Variants in PROS1 observed in about 807,000 individuals in gnomAD.
PROS1 encodes the protein protein S.
Under a neutral mutation model 75.9 loss-of-function variants are expected in PROS1, and 29 were observed. The ratio of observed to expected loss-of-function variants is 0.38; its 90% CI spans 0.28 to 0.52. PROS1 has a LOEUF of 0.52. PROS1 is among the 20% of genes least tolerant of loss of function. The probability of loss-of-function intolerance (pLI) is 0.83; values close to 1 mark genes in which losing one functional copy is unlikely to be tolerated. For missense variants in PROS1, 680 were observed against 810.3 expected (o/e 0.84, Z 1.95); for synonymous variants, 245 against 280.6 (o/e 0.87, Z 1.27).
chr3:93,973,575 A>G, intron 1 of PROS1, 99 bp downstream of exon 1: 10 of 1,299,052 alleles, frequency 7.7e-6, no homozygotes, highest in Non-Finnish European at 1.1e-5. Context: ...GAAACTTTCT[A>G]GGAGGCTGCA....
intron 9 of PROS1, among the ~76,000 whole-genome samples, chr3:93,893,520 GT>G (rs903517142): frequency 2.6e-5 from 4 of 151,834 alleles, no homozygotes; most frequent in African/African-American, 7.3e-5. Context: ...AGAAGTGGTA[GT>G]TTTTTTTGTT....
At chr3:93,924,663 CTTT>C (rs368011620) in intron 2 of PROS1, among the ~76,000 whole-genome samples, 4 of 136,630 alleles carry the variant, frequency 2.9e-5, no homozygotes, top group Non-Finnish European at 4.8e-5. Flanking sequence ...AACGTACTCT[CTTT>C]TTTTTTTTTT....
chr3:93,972,513 G>A (rs1314880435), intron 1 of PROS1, among the ~76,000 whole-genome samples: 1 of 152,052 alleles, frequency 6.6e-6, no homozygotes, highest in African/African-American at 2.4e-5. Context: ...TCTCACTCCT[G>A]TTCCAATCCC....
At chr3:93,880,318 G>A (rs540291994) in intron 12 of PROS1, among the ~76,000 whole-genome samples, 5 of 152,072 alleles carry the variant, frequency 3.3e-5, no homozygotes, top group African/African-American at 1.2e-4. Context: ...GGGCAACATG[G>A]TGAAACATCT....
At chr3:93,968,495 T>G (rs1709822576) in intron 1 of PROS1, among the ~76,000 whole-genome samples, 2 of 152,194 alleles carry the variant, frequency 1.3e-5, no homozygotes, top group Admixed American at 1.3e-4. Flanking sequence ...AACTTTCTGT[T>G]GTTTAAACCA....
At chr3:93,972,641 C>G (rs1397440978) in intron 1 of PROS1, among the ~76,000 whole-genome samples, 2 of 151,402 alleles carry the variant, frequency 1.3e-5, no homozygotes, top group African/African-American at 2.4e-5. Flanking sequence ...GAGCTCGAGA[C>G]CAGCCTGGCC....
At chr3:93,946,734 C>T (rs1709407483) in intron 1 of PROS1, among the ~76,000 whole-genome samples, 1 of 151,738 alleles carries the variant, frequency 6.6e-6, no homozygotes, top group East Asian at 1.9e-4. Flanking sequence ...ACCATTCAGG[C>T]CACAGGCATG....
chr3:93,956,124 T>A (rs546286789), intron 1 of PROS1, among the ~76,000 whole-genome samples: 1 of 152,124 alleles, frequency 6.6e-6, no homozygotes, highest in African/African-American at 2.4e-5. Context: ...TTTTAATAAT[T>A]TTCATAATGC....
chr3:93,909,860 T>A (rs1217328216), intron 4 of PROS1, among the ~76,000 whole-genome samples: 1 of 152,126 alleles, frequency 6.6e-6, no homozygotes, highest in Non-Finnish European at 1.5e-5. Flanking sequence ...TTTAAAATCA[T>A]AGAAAATAAT....
chr3:93,944,579 C>T (rs1419629299), intron 1 of PROS1, among the ~76,000 whole-genome samples: 1 of 152,154 alleles, frequency 6.6e-6, no homozygotes, highest in Non-Finnish European at 1.5e-5. Context: ...GAAATGAAGG[C>T]AGAAATAAAG....
chr3:93,941,460 G>A (rs1368165852), intron 1 of PROS1, among the ~76,000 whole-genome samples: 1 of 152,136 alleles, frequency 6.6e-6, no homozygotes, highest in Non-Finnish European at 1.5e-5. Context: ...GGCATGATTG[G>A]ATACTTTCAC....
At chr3:93,937,555 G>A (rs1002252074) in intron 1 of PROS1, among the ~76,000 whole-genome samples, 6 of 151,970 alleles carry the variant, frequency 3.9e-5, no homozygotes, top group Non-Finnish European at 7.4e-5. Context: ...TTTTAGTAGA[G>A]ACAGGGTTTC....
chr3:93,936,803 T>A (rs1462518018), intron 1 of PROS1, among the ~76,000 whole-genome samples: 2 of 152,212 alleles, frequency 1.3e-5, no homozygotes, highest in Non-Finnish European at 2.9e-5. Context: ...ATGCTTATGG[T>A]TAATGATGGC....
intron 9 of PROS1, among the ~76,000 whole-genome samples, chr3:93,895,567 C>A (rs1708491273): frequency 6.6e-6 from 1 of 152,120 alleles, no homozygotes; most frequent in Non-Finnish European, 1.5e-5. Flanking sequence ...AAGTTCTAAA[C>A]ATACATGCTT....
intron 2 of PROS1, among the ~76,000 whole-genome samples, chr3:93,925,022 A>C (rs1708996940): frequency 6.6e-6 from 1 of 152,198 alleles, no homozygotes; most frequent in Admixed American, 6.5e-5. Context: ...TATACATCTT[A>C]TGTACATGTA....
intron 8 of PROS1, among the ~76,000 whole-genome samples, chr3:93,897,132 T>G (rs200275287): frequency 6.6e-6 from 1 of 152,124 alleles, no homozygotes; most frequent in African/African-American, 2.4e-5. Context: ...ATTCATTCAC[T>G]CATTCATTTA....
At chr3:93,911,676 C>T (rs146621636) in intron 3 of PROS1, among the ~76,000 whole-genome samples, 1 of 152,164 alleles carries the variant, frequency 6.6e-6, no homozygotes, top group Admixed American at 6.5e-5. Flanking sequence ...ATAGATCATG[C>T]TTCAAAGTTC....
chr3:93,888,049 T>C (rs763668648), intron 10 of PROS1, among the ~76,000 whole-genome samples: 2 of 152,224 alleles, frequency 1.3e-5, no homozygotes, highest in Non-Finnish European at 2.9e-5. Flanking sequence ...GGTATTCATG[T>C]AGGGAATATT....
intron 3 of PROS1, among the ~76,000 whole-genome samples, chr3:93,918,111 G>A (rs577898482): frequency 3.3e-5 from 5 of 152,254 alleles, no homozygotes; most frequent in Non-Finnish European, 7.4e-5. Context: ...GCACCAATCC[G>A]CACTCTGTAT....
Sources: allele counts gnomAD v4.1 joint callset (sites outside exome capture counted in the v4.1 genomes callset), GRCh38; gene constraint gnomAD v4.1.1; transcripts MANE v1.5; gene names NCBI Gene and HGNC (gene_info 2026-07-23, HGNC 2026-07-21).